The following MCF2L variants were observed in gnomAD, a reference collection of about 807,000 sequenced individuals.
MCF2L encodes MCF.2 cell line derived transforming sequence like, also known as guanine nucleotide exchange factor DBS.
Under a neutral mutation model 153.4 loss-of-function variants are expected in MCF2L, and 97 were observed. That is an observed-to-expected ratio of 0.63 (90% CI 0.54 to 0.75). MCF2L has a LOEUF of 0.75. Ranked by LOEUF, MCF2L falls within the 30% of genes least tolerant of loss-of-function variation. The pLI is 0.00. For synonymous variants in MCF2L, 659 were observed against 632.2 expected, an observed-to-expected ratio of 1.04 and a Z score of -0.64; for missense variants, 1,347 against 1,495.2, an observed-to-expected ratio of 0.90 and a Z score of 1.64.
Position 112,909,193 on chromosome 13 carries a change from G to A in MCF2L, c.169+6822G>A, listed in dbSNP as rs374577323. On this transcript the variant is annotated intron_variant, in intron 2 of 29. Transcript: ENST00000375608. ...TGGCAAAAACACTGCCTGTTCCCGA[G>A]GGAGCCCCTGTAACCAACCTCTCCC... The A allele has an allele frequency of 3.6e-4, 281 of 778,974 alleles. 1 individual carries two copies. In the African/African-American group the frequency reaches 4.1e-3, roughly 11 times the overall value. 48.3% of individuals were successfully genotyped at this position (778,974 alleles called of 1,614,324 possible). A position where few individuals can be genotyped will look rare whatever the true frequency, so the allele number is the denominator to read the frequency against.
chr13:113,092,501 G>A (rs1469457711), intron 26 of MCF2L, among the ~76,000 whole-genome samples: 1 of 152,244 alleles, frequency 6.6e-6, no homozygotes, highest in African/African-American at 2.4e-5. Context: ...ACTGCCCGTG[G>A]GTCATTTCTG....
rs141671858 is a variant in MCF2L, at chr13:112,974,941, CT to C, written c.79+5484del. ...CTGCCTTTTCCGTGTGTTTCGTTTC[CT>C]CCGCCGCCTACGACGTGCAGGCAGC... On this transcript the variant is annotated intron_variant, in intron 1 of 29. Transcript: ENST00000535094. 2.3e-3 allele frequency among the ~76,000 whole-genome samples: 346 copies of C among 152,312 alleles called. 1 individual carries two copies. Among genetic ancestry groups the C allele is most frequent in the African/African-American group, 7.9e-3 (327 of 41,568 alleles).
intron 2 of MCF2L, among the ~76,000 whole-genome samples, chr13:113,015,526 C>A (rs1201712166): frequency 6.6e-6 from 1 of 151,992 alleles, no homozygotes; most frequent in Admixed American, 6.5e-5. Context: ...ACGCGGTGCT[C>A]TTGGGAGCTC....
In MCF2L at chr13:113,031,258, G is replaced by GAGAC. The variant is rs541244866; in HGVS notation, c.278+6512_278+6515dup. On this transcript the variant is annotated intron_variant, in intron 3 of 29. Transcript: ENST00000535094. The surrounding 1 kb of genome is among the most constrained non-coding windows in gnomAD (Gnocchi z 5.5). The stretch of plus-strand genomic sequence containing the variant: ...GAAGAGACAGAGAGTGACAGAGATA[G>GAGAC]AGACAGACAGACAGAGACACGGAGA... Among the ~76,000 whole-genome samples the GAGAC allele has an allele frequency of 6.6e-6, 1 of 152,148 alleles. No individual in the cohort carries two copies. The highest frequency in any genetic ancestry group is 1.9e-4 in the East Asian group (1 of 5,172).
At chr13:112,922,530 TAA>T (rs767874814) in intron 2 of MCF2L, among the ~76,000 whole-genome samples, 1 of 137,208 alleles carries the variant, frequency 7.3e-6, no homozygotes, top group African/African-American at 2.6e-5. Flanking sequence ...TCACAACACA[TAA>T]AAAAAAAAAA....
At chr13:112,937,080 G>T (rs1381353958) in intron 2 of MCF2L, among the ~76,000 whole-genome samples, 2 of 152,110 alleles carry the variant, frequency 1.3e-5, no homozygotes, top group Non-Finnish European at 2.9e-5. Context: ...TTGAGATAGA[G>T]TCTCGCTTTG....
chr13:112,990,641 A>G (rs1044638373), intron 1 of MCF2L, among the ~76,000 whole-genome samples: 1 of 152,178 alleles, frequency 6.6e-6, no homozygotes, highest in Non-Finnish European at 1.5e-5. Flanking sequence ...ATTTTCAGAA[A>G]ACCAAACTGC....
chr13:113,067,232 C>A, intron 8 of MCF2L, among the ~76,000 whole-genome samples: 1 of 151,560 alleles, frequency 6.6e-6, no homozygotes, highest in East Asian at 1.9e-4. Context: ...CGCAGTGAGC[C>A]GAGATTGCAC....
At chr13:112,958,635 G>A (rs2081787314) in intron 2 of MCF2L, among the ~76,000 whole-genome samples, 1 of 152,202 alleles carries the variant, frequency 6.6e-6, no homozygotes, top group South Asian at 2.1e-4. Flanking sequence ...CCACCTGCCT[G>A]GCACACGCCC....
rs1337985579 is a variant in MCF2L, at chr13:113,031,962, GCA to G, written c.278+7215_278+7216del. Among the ~76,000 whole-genome samples the G allele has an allele frequency of 3.9e-5, 6 of 151,978 alleles. No individual in the cohort carries two copies. In the East Asian group the frequency reaches 7.7e-4, roughly 20 times the overall value. On this transcript the variant is annotated intron_variant, in intron 3 of 29. Coordinates refer to ENST00000535094, the MANE Select transcript of MCF2L (RefSeq NM_001112732.3). The surrounding 1 kb of genome is among the most constrained non-coding windows in gnomAD (Gnocchi z 5.5). Reference sequence around the variant, plus strand: ...TGCATGTGTATAACCACACACGTGCGCACACACACACATGCAAGTGCATGCAT... The same window carrying G: ...TGCATGTGTATAACCACACACGTGCGCACACACACATGCAAGTGCATGCAT...
At position 113,081,211 on chromosome 13, in the gene MCF2L, A is replaced by G; in HGVS notation, c.1809-2A>G. On this transcript the variant is annotated splice_acceptor_variant, in intron 15 of 29. Transcript: ENST00000535094. LOFTEE classifies it high-confidence loss of function. ...TTTGCTCTCCACATGACCTGCCACC[A>G]GGCACGTGATGAGCGAGCTCCTGGA... 1 of 1,581,402 alleles carries G rather than the reference A, an allele frequency of 6.3e-7. No individual in the cohort carries two copies. Among genetic ancestry groups the G allele is most frequent in the South Asian group, 1.2e-5 (1 of 85,884 alleles).
At chr13:113,044,896 C>T (rs760446522) in intron 3 of MCF2L, 1 of 1,612,736 alleles carries the variant, frequency 6.2e-7, no homozygotes. Context: ...GATGTATGCG[C>T]CATAAGACTG....
chr13:112,984,072 G>A (rs1339303760), intron 1 of MCF2L, among the ~76,000 whole-genome samples: 2 of 152,190 alleles, frequency 1.3e-5, no homozygotes, highest in Non-Finnish European at 2.9e-5. Flanking sequence ...CCTCTGTCCT[G>A]CATGGCATGG....
At chr13:112,901,880 C>T (rs2081122756) in intron 1 of MCF2L, among the ~76,000 whole-genome samples, 1 of 152,212 alleles carries the variant, frequency 6.6e-6, no homozygotes, top group African/African-American at 2.4e-5. Context: ...GTCTTTGAAA[C>T]AGGAGTCTGA....
intron 1 of MCF2L, among the ~76,000 whole-genome samples, chr13:112,972,309 GTGGA>G (rs999372140): frequency 1.7e-4 from 22 of 126,530 alleles, no homozygotes; most frequent in East Asian, 1.3e-3. Flanking sequence ...GTGTGGGTGG[GTGGA>G]TGGATGGATG....
In MCF2L at chr13:113,089,609, G is replaced by A; in HGVS notation, c.2835-1G>A. ...CTTTTTGATTTGTCTGATGTCATCA[G>A]TCCCTCAAGAGGAAACTCAAGGAAC... On this transcript the variant is annotated splice_acceptor_variant, in intron 25 of 29. Transcript: ENST00000535094. LOFTEE classifies it high-confidence loss of function. The A allele has an allele frequency of 6.3e-7, 1 of 1,598,598 alleles. No homozygotes were observed. The highest frequency in any genetic ancestry group is 8.6e-7 in the Non-Finnish European group (1 of 1,166,174).
chr13:113,002,069 T>C, intron 1 of MCF2L: 1 of 1,388,824 alleles, frequency 7.2e-7, no homozygotes, highest in Non-Finnish European at 9.4e-7. Flanking sequence ...GTGGACGTTC[T>C]GGGCCCAGCC....
At chr13:113,066,236 C>T in intron 8 of MCF2L, 66 bp downstream of exon 8, 5 of 1,487,720 alleles carry the variant, frequency 3.4e-6, no homozygotes, top group Non-Finnish European at 4.5e-6. Flanking sequence ...CTCAGGCACA[C>T]AGCTTCTGCA....
chr13:113,090,131 A>G (rs1048012641), intron 26 of MCF2L: 13 of 1,544,956 alleles, frequency 8.4e-6, no homozygotes, highest in Non-Finnish European at 1.0e-5. Context: ...TTTACCCTGC[A>G]GGGTTTTGCT....
Sources: gnomAD v4.1 joint callset for allele counts (sites outside exome capture counted in the v4.1 genomes callset) on GRCh38, gnomAD v4.1.1 for gene constraint, Gnocchi (gnomAD v3.1) non-coding constraint, MANE v1.5 for transcripts, NCBI Gene and HGNC (gene_info 2026-07-23, HGNC 2026-07-21) for gene names.